The following SYT12 variants were observed in gnomAD, a reference collection of about 807,000 sequenced individuals.
SYT12 encodes the protein synaptotagmin-12.
Under a neutral mutation model 39.5 loss-of-function variants are expected in SYT12, and 27 were observed. That is an observed-to-expected ratio of 0.68 (90% CI 0.50 to 0.94). The LOEUF (loss-of-function observed/expected upper bound fraction) is 0.94. SYT12 is among the 40% of genes least tolerant of loss of function. SYT12 has a pLI of 0.00. For missense variants in SYT12, 536 were observed against 572.6 expected (o/e 0.94, Z 0.65); for synonymous variants, 233 against 239.7 (o/e 0.97, Z 0.26).
In SYT12 at chr11:67,044,639, C is replaced by T. The variant is rs1231638749; in HGVS notation, c.884C>T (p.Pro295Leu). ...ATCCTGCTCTCCCTCAGCTACCTCC[C>T]CACAGCCGAGCGCCTCACCGTGGTC... ...GEILLSLSYLPTAERLTVVVV... is the reference protein window; with the variant it reads ...GEILLSLSYLLTAERLTVVVV... The change falls in exon 6 of 8, where the codon CCC becomes CTC. Residue 295 changes from proline to leucine, a missense_variant. By Grantham distance (98) the Pro-to-Leu change is moderately conservative. Transcript: ENST00000527043. 1.2e-6 allele frequency: 2 copies of T among 1,613,588 alleles called. No individual in the cohort carries two copies. Among genetic ancestry groups the T allele is most frequent in the South Asian group, 1.1e-5 (1 of 91,054 alleles).
chr11:67,045,607 G>C (rs1270239422), intron 6 of SYT12, 137 bp from the exon 7 acceptor site: 1 of 1,204,038 alleles, frequency 8.3e-7, no homozygotes, highest in Non-Finnish European at 1.2e-6. Flanking sequence ...AAATAATAAA[G>C]GACCAATGGC....
chr11:67,042,724 C>T (rs548914237), intron 4 of SYT12, among the ~76,000 whole-genome samples: 21 of 152,288 alleles, frequency 1.4e-4, no homozygotes, highest in Non-Finnish European at 2.8e-4. Flanking sequence ...GCCTGAATGC[C>T]GAGGTCAGGA....
chr11:67,044,403 C>T (rs1031508816), intron 5 of SYT12, among the ~76,000 whole-genome samples, 190 bp from the exon 6 acceptor site: 1 of 152,092 alleles, frequency 6.6e-6, no homozygotes, highest in African/African-American at 2.4e-5. Context: ...CATGCAGTGG[C>T]GGGGGGTGGG....
chr11:67,035,380 T>C (rs1385072896), intron 3 of SYT12, among the ~76,000 whole-genome samples: 1 of 150,634 alleles, frequency 6.6e-6, no homozygotes, highest in East Asian at 2.0e-4. Flanking sequence ...GGCTACCCCA[T>C]AGGCCAAATG....
chr11:67,039,952 C>T lies in SYT12; in HGVS notation c.370C>T (p.Pro124Ser). Reference protein sequence around the residue: ...ELMGRELDLAPYGTLRKSQSA... With the variant: ...ELMGRELDLASYGTLRKSQSA... The stretch of plus-strand genomic sequence containing the variant: ...GATGGGCCGGGAGTTGGACCTGGCC[C>T]CCTATGGGACCCTCCGGAAGTCCCA... Residue 124 changes from proline to serine, a missense_variant, in exon 4 of 8, where the codon CCC becomes TCC. Transcript: ENST00000527043. 4 of 1,613,716 alleles carry T rather than the reference C, an allele frequency of 2.5e-6. No homozygotes were observed. The highest frequency in any genetic ancestry group is 3.4e-6 in the Non-Finnish European group (4 of 1,180,030).
chr11:67,022,176 G>A (rs979980121), upstream of SYT12, among the ~76,000 whole-genome samples: 3 of 152,056 alleles, frequency 2.0e-5, no homozygotes, highest in Non-Finnish European at 2.9e-5. Flanking sequence ...CTAGACCAAG[G>A]ATGCCCACAC....
At chr11:67,020,216 A>T (rs567663256), upstream of SYT12, among the ~76,000 whole-genome samples, 1 of 152,264 alleles carries the variant, frequency 6.6e-6, no homozygotes, top group Admixed American at 6.5e-5. Flanking sequence ...TGGTGAGAGC[A>T]GGGAAAACAC....
upstream of SYT12, among the ~76,000 whole-genome samples, chr11:67,020,894 A>G (rs1950103117): frequency 6.6e-6 from 1 of 152,028 alleles, no homozygotes; most frequent in Admixed American, 6.5e-5. Flanking sequence ...ACGCCCAGCT[A>G]ATTTTGTATT....
intron 3 of SYT12, among the ~76,000 whole-genome samples, chr11:67,016,843 G>A (rs1047135193): frequency 2.0e-5 from 3 of 152,194 alleles, no homozygotes; most frequent in Admixed American, 6.5e-5. Flanking sequence ...GGGAGCTCAG[G>A]AAAGTTCTCT....
chr11:67,047,839 C>T (rs1196808950), intron 7 of SYT12, among the ~76,000 whole-genome samples: 2 of 127,818 alleles, frequency 1.6e-5, no homozygotes, highest in South Asian at 2.7e-4. Context: ...CCAGGCTGGA[C>T]TGCAGTGGCG....
chr11:67,042,839 C>G (rs1950538998), intron 4 of SYT12, among the ~76,000 whole-genome samples: 1 of 152,070 alleles, frequency 6.6e-6, no homozygotes, highest in African/African-American at 2.4e-5. Context: ...TTCCCACACC[C>G]AGGCAGTGAC....
chr11:67,048,774 G>A lies in SYT12; in HGVS notation c.*17G>A. ...CGAAACTAGCAACCAGGGCGGGCCA[G>A]TTGGGCAATGGAGCTGCTGGAGCCC... On this transcript the variant is annotated 3_prime_UTR_variant, in exon 8 of 8. Coordinates refer to ENST00000527043, the MANE Select transcript of SYT12 (RefSeq NM_177963.4). 6.3e-7 allele frequency: 1 copy of A among 1,585,748 alleles called. No homozygotes were observed. Among genetic ancestry groups the A allele is most frequent in the Non-Finnish European group, 8.6e-7 (1 of 1,159,434 alleles).
At chr11:67,025,169 C>G (rs2136203657) in intron 1 of SYT12, among the ~76,000 whole-genome samples, 1 of 152,346 alleles carries the variant, frequency 6.6e-6, no homozygotes, top group East Asian at 1.9e-4. Context: ...GCTTCCTCAT[C>G]TATAAAAGGG....
upstream of SYT12, among the ~76,000 whole-genome samples, chr11:67,019,182 C>T (rs976345763): frequency 2.6e-5 from 4 of 151,912 alleles, no homozygotes; most frequent in African/African-American, 7.3e-5. Context: ...CCTTATAATA[C>T]CATCAGATCG....
At chr11:67,018,993 G>T (rs558946558), upstream of SYT12, among the ~76,000 whole-genome samples, 1 of 152,096 alleles carries the variant, frequency 6.6e-6, no homozygotes, top group African/African-American at 2.4e-5. Flanking sequence ...TGTATTCATC[G>T]ATTTTCATGC....
At chr11:67,025,198 AATC>A (rs1042435934) in intron 1 of SYT12, among the ~76,000 whole-genome samples, 1 of 152,246 alleles carries the variant, frequency 6.6e-6, no homozygotes, top group African/African-American at 2.4e-5. Context: ...TAATCCACTG[AATC>A]ATCATGTCCA....
chr11:67,029,942 A>G (rs1034525823), intron 1 of SYT12, 180 bp from the exon 2 acceptor site: 3 of 576,466 alleles, frequency 5.2e-6, no homozygotes, highest in Non-Finnish European at 9.2e-6. Flanking sequence ...GAGTCTTAGA[A>G]TGCTTGAAAA....
At chr11:67,027,236 C>T (rs1220307459) in intron 1 of SYT12, 1 of 152,428 alleles carries the variant, frequency 6.6e-6, no homozygotes, top group African/African-American at 2.4e-5. Flanking sequence ...GGCGGTGGCT[C>T]ACGCCTGTAA....
rs750441279 is a variant in SYT12 at position 67,040,106 on chromosome 11, A to T, written c.524A>T (p.Gln175Leu). 37 of 1,613,680 alleles carry T rather than the reference A, an allele frequency of 2.3e-5. No individual in the cohort carries two copies. In the East Asian group the frequency reaches 7.4e-4, roughly 32 times the overall value. Residue 175 changes from glutamine (Q) to leucine (L), a missense_variant, in exon 4 of 8, where the codon CAG becomes CTG. Physicochemically the swap from Gln to Leu is moderately radical, Grantham distance 113. Transcript: ENST00000527043. ...ASHTLNVAVM[Q>L]GKDLLEREEA... Reference sequence around the variant, plus strand: ...CACACGCTGAACGTGGCGGTGATGCAGGGCAAGGACCTCCTGGAGCGGGAG... The same window carrying T: ...CACACGCTGAACGTGGCGGTGATGCTGGGCAAGGACCTCCTGGAGCGGGAG...
Sources: gnomAD v4.1 joint callset for allele counts (sites outside exome capture counted in the v4.1 genomes callset) on GRCh38, gnomAD v4.1.1 for gene constraint, MANE v1.5 for transcripts, NCBI Gene and HGNC (gene_info 2026-07-23, HGNC 2026-07-21) for gene names.